The following DYNC2H1 variants were observed in gnomAD, a reference collection of about 807,000 sequenced individuals.
DYNC2H1 encodes dynein cytoplasmic 2 heavy chain 1.
DYNC2H1 carries 410 observed loss-of-function variants against 570.0 expected under a neutral mutation model. The ratio of observed to expected loss-of-function variants is 0.72; its 90% confidence interval spans 0.66 to 0.78. The LOEUF is 0.78. Among genes scored for constraint, DYNC2H1 ranks in the 30% least tolerant of loss-of-function variants. The pLI is 0.00. For synonymous variants in DYNC2H1, 1,688 were observed against 1,677.6 expected (o/e 1.01, Z -0.15); for missense variants, 4,865 against 5,046.4 (o/e 0.96, Z 1.09).
In DYNC2H1 at chr11:103,325,779, T is replaced by C. The variant is rs1409741461; in HGVS notation, c.12039+1789T>C. Among the ~76,000 whole-genome samples, 1 of 152,216 alleles carries C rather than the reference T, an allele frequency of 6.6e-6. No individual in the cohort carries two copies. Among genetic ancestry groups the C allele is most frequent in the East Asian group, 1.9e-4 (1 of 5,196 alleles). On this transcript the variant is annotated intron_variant, in intron 82 of 88. Coordinates refer to ENST00000375735, the MANE Select transcript of DYNC2H1 (RefSeq NM_001377.3). This position sits in a 1 kb window ranked among gnomAD's most constrained non-coding sequence, Gnocchi z 4.8. ...TTTGGATCGGATTTCAACTTTCTCC[T>C]GAATTTTGTTGAGCTTTTTTGCCAC... is the stretch of plus-strand genomic sequence containing the variant.
intron 84 of DYNC2H1, among the ~76,000 whole-genome samples, chr11:103,412,571 A>G (rs1009868859): frequency 6.6e-6 from 1 of 152,180 alleles, no homozygotes; most frequent in Non-Finnish European, 1.5e-5. Flanking sequence ...TTTAAAGCCA[A>G]CATATCTATT....
chr11:103,109,850 TCTTTAG>T, intron 1 of DYNC2H1, 81 bp downstream of exon 1: 1 of 1,411,228 alleles, frequency 7.1e-7, no homozygotes, highest in Non-Finnish European at 9.5e-7. Context: ...CGGGTCACAC[TCTTTAG>T]CTTTACCAAC....
At chr11:103,437,100 G>A (rs1305229655) in intron 85 of DYNC2H1, among the ~76,000 whole-genome samples, 2 of 152,044 alleles carry the variant, frequency 1.3e-5, no homozygotes, top group African/African-American at 4.8e-5. Flanking sequence ...ACTCTTTCTT[G>A]AAGACTCCAT....
intron 65 of DYNC2H1, among the ~76,000 whole-genome samples, chr11:103,248,262 G>T (rs1365850990): frequency 6.6e-6 from 1 of 151,966 alleles, no homozygotes; most frequent in Non-Finnish European, 1.5e-5. Flanking sequence ...GCAATACAAT[G>T]TGAAAAGTTT....
At chr11:103,158,871 G>GA (rs35353432) in intron 27 of DYNC2H1, 39 bp from the exon 28 acceptor site, 4 of 1,524,308 alleles carry the variant, frequency 2.6e-6, no homozygotes, top group Non-Finnish European at 3.5e-6. Context: ...TTAATTATCT[G>GA]AAAAAAAGAA....
At chr11:103,466,521 TA>T (rs1945199143) in intron 87 of DYNC2H1, among the ~76,000 whole-genome samples, 1 of 152,158 alleles carries the variant, frequency 6.6e-6, no homozygotes, top group African/African-American at 2.4e-5. Flanking sequence ...GATTAGTACT[TA>T]AAACAGATAA....
intron 75 of DYNC2H1, among the ~76,000 whole-genome samples, chr11:103,292,589 G>T (rs903767902): frequency 6.6e-6 from 1 of 152,212 alleles, no homozygotes; most frequent in African/African-American, 2.4e-5. Context: ...GTAATCCCCA[G>T]TGTTGGAGGT....
chr11:103,240,470 A>C (rs765655549), intron 63 of DYNC2H1, among the ~76,000 whole-genome samples: 3 of 152,084 alleles, frequency 2.0e-5, no homozygotes, highest in Admixed American at 1.3e-4. Context: ...CACTGCCTAT[A>C]ACCTGCTTCT....
intron 72 of DYNC2H1, among the ~76,000 whole-genome samples, chr11:103,282,634 G>T (rs1360778673): frequency 6.6e-6 from 1 of 151,488 alleles, no homozygotes; most frequent in Non-Finnish European, 1.5e-5. Context: ...TTTCCTATTT[G>T]AATACATAAT....
chr11:103,323,124 G>GCCTTAAA (rs1233336018), intron 81 of DYNC2H1, among the ~76,000 whole-genome samples: 1 of 152,186 alleles, frequency 6.6e-6, no homozygotes, highest in African/African-American at 2.4e-5. Flanking sequence ...CGGTTTAGAT[G>GCCTTAAA]CACGTGCAGT....
chr11:103,305,272 T>C lies in DYNC2H1; in HGVS notation c.11382+552T>C, dbSNP rs533703079. ...AGTTAAAGATGATTCTGAAGAGATA[T>C]TCCTTGAAAGTCAAATAGGATTTTG... On this transcript the variant is annotated intron_variant, in intron 77 of 88. Transcript: ENST00000375735. The surrounding 1 kb of genome is among the most constrained non-coding windows in gnomAD (Gnocchi z 4.3). Among the ~76,000 whole-genome samples the C allele has an allele frequency of 6.6e-6, 1 of 152,160 alleles. No homozygotes were observed.
chr11:103,459,958 CA>C (rs376050088), intron 87 of DYNC2H1, among the ~76,000 whole-genome samples: 4 of 70,854 alleles, frequency 5.6e-5, no homozygotes, highest in Non-Finnish European at 7.7e-5. Context: ...GACTCCGTCT[CA>C]AAAAAAAAAG....
chr11:103,477,943 T>C (rs1945613982), intron 88 of DYNC2H1, among the ~76,000 whole-genome samples: 1 of 151,324 alleles, frequency 6.6e-6, no homozygotes, highest in Non-Finnish European at 1.5e-5. Context: ...ATGACTAATT[T>C]CCAGGGCAGG....
intron 54 of DYNC2H1, among the ~76,000 whole-genome samples, chr11:103,213,286 CTT>C (rs371659910): frequency 1.1e-3 from 171 of 152,190 alleles, no homozygotes; most frequent in African/African-American, 4.1e-3. Context: ...AACAGTGACT[CTT>C]GAGTCCTTTT....
At chr11:103,116,735 T>C (rs756354479) in intron 5 of DYNC2H1, 21 bp downstream of exon 5, 3 of 1,556,710 alleles carry the variant, frequency 1.9e-6, no homozygotes, top group African/African-American at 2.8e-5. Context: ...AAAAATGAAC[T>C]TTTGGAATTT....
At chr11:103,311,796 T>C in intron 78 of DYNC2H1, 82 bp from the exon 79 acceptor site, 1 of 1,401,452 alleles carries the variant, frequency 7.1e-7, no homozygotes, top group South Asian at 1.5e-5. Context: ...TTTCTTTAAA[T>C]TATGTTCTTA....
chr11:103,443,511 A>G (rs1022585266), intron 85 of DYNC2H1, among the ~76,000 whole-genome samples: 50 of 152,078 alleles, frequency 3.3e-4, no homozygotes, highest in African/African-American at 1.1e-3. Flanking sequence ...ACTGTTGTAT[A>G]CAATAAAAAT....
At position 103,163,205 on chromosome 11, in the gene DYNC2H1, C is replaced by G; in HGVS notation, c.4611+58C>G. On this transcript the variant is annotated intron_variant, in intron 30 of 88. Coordinates refer to ENST00000375735, the MANE Select transcript of DYNC2H1 (RefSeq NM_001377.3). This position sits in a 1 kb window ranked among gnomAD's most constrained non-coding sequence, Gnocchi z 4.6. ...CATGGAACGTGGAAAGATCCCTGACCTAGAAGCCAGGAGGCTCAGATAAAT... is the reference window on the plus strand; with the variant it reads ...CATGGAACGTGGAAAGATCCCTGACGTAGAAGCCAGGAGGCTCAGATAAAT... 1 of 1,532,954 alleles carries G rather than the reference C, an allele frequency of 6.5e-7. No homozygotes were observed. Among genetic ancestry groups the G allele is most frequent in the East Asian group, 2.3e-5 (1 of 43,248 alleles). The allele number at this position is 1,532,954 out of a possible 1,614,324, so 95.0% of individuals were successfully genotyped here.
chr11:103,111,978 A>G (rs1367031028), intron 1 of DYNC2H1, among the ~76,000 whole-genome samples: 1 of 152,250 alleles, frequency 6.6e-6, no homozygotes, highest in Middle Eastern at 3.2e-3. Flanking sequence ...CTACAGATAT[A>G]TGTAACATAA....
Sources: gnomAD v4.1 joint callset for allele counts (sites outside exome capture counted in the v4.1 genomes callset) on GRCh38, gnomAD v4.1.1 for gene constraint, Gnocchi (gnomAD v3.1) non-coding constraint, MANE v1.5 for transcripts, NCBI Gene and HGNC (gene_info 2026-07-23, HGNC 2026-07-21) for gene names.